Variants in DOCK11 observed in about 807,000 individuals in gnomAD.
DOCK11 encodes the protein dedicator of cytokinesis protein 11.
DOCK11 carries 70 observed loss-of-function variants against 169.1 expected under a neutral mutation model. The ratio of observed to expected loss-of-function variants is 0.41; its 90% confidence interval spans 0.34 to 0.51. The LOEUF (loss-of-function observed/expected upper bound fraction) is 0.51. DOCK11 is among the 20% of genes least tolerant of loss of function. The pLI is 0.10. For missense variants in DOCK11, 1,166 were observed against 1,538.8 expected (o/e 0.76, Z 4.05); for synonymous variants, 529 against 541.3 (o/e 0.98, Z 0.32).
chrX:118,647,972 A>T (rs868323152), intron 40 of DOCK11, among the ~76,000 whole-genome samples: 1 of 44,936 alleles, frequency 2.2e-5, no homozygotes, highest in Non-Finnish European at 3.8e-5. Context: ...ATATATAATT[A>T]TATATAATAT....
At position 118,624,624 on chromosome X, in the gene DOCK11, C is replaced by A; in HGVS notation, c.3557C>A (p.Thr1186Asn). 1 of 1,203,550 alleles carries A rather than the reference C, an allele frequency of 8.3e-7. No individual in the cohort carries two copies. The highest frequency in any genetic ancestry group is 1.1e-6 in the Non-Finnish European group (1 of 888,876). The change falls in exon 32 of 53, where the codon ACC (threonine) becomes AAC (asparagine). Residue 1186 changes from threonine (T) to asparagine (N), a missense_variant. Transcript: ENST00000276202. ...ENIQRLAGRD[T>N]LYSCAAMPNS... ...ATACAGCGATTAGCAGGTCGAGATA[C>A]CTTGTATTCTTGTGCAGCCATGCCT...
At chrX:118,619,480 C>CAA (rs1162244580) in intron 31 of DOCK11, among the ~76,000 whole-genome samples, 1,184 of 51,360 alleles carry the variant, frequency 0.023, 16 homozygotes, top group Non-Finnish European at 0.032. Context: ...AACTCTGTCT[C>CAA]AAAAAAAAAA....
At chrX:118,503,292 C>T (rs1259486601) in intron 1 of DOCK11, among the ~76,000 whole-genome samples, 2 of 110,863 alleles carry the variant, frequency 1.8e-5, no homozygotes, top group Non-Finnish European at 3.8e-5. Context: ...AACTCCTGAC[C>T]TCAGGTGATC....
chrX:118,560,821 T>G (rs367637748), intron 6 of DOCK11, among the ~76,000 whole-genome samples: 2 of 111,610 alleles, frequency 1.8e-5, no homozygotes, highest in African/African-American at 3.3e-5. Context: ...CCTGTTGATT[T>G]AAAGCTCAGC....
chrX:118,628,157 C>T lies in DOCK11; in HGVS notation c.3665-6C>T, dbSNP rs770721984. 17 of 1,127,869 alleles carry T rather than the reference C, an allele frequency of 1.5e-5. No homozygotes were observed. The Admixed American group carries it at 1.8e-4, about 12-fold the overall frequency. 92.9% of individuals were successfully genotyped at this position (1,127,869 alleles called of 1,213,427 possible). Reference sequence around the variant, plus strand: ...CAACAAGGGCTTGACTTTTTTTTTTCCCCAGCTTATGGGTCTTTTCAAAAT... The same window carrying T: ...CAACAAGGGCTTGACTTTTTTTTTTTCCCAGCTTATGGGTCTTTTCAAAAT... On this transcript the variant is annotated splice_region_variant and splice_polypyrimidine_tract_variant and intron_variant, in intron 33 of 52. Transcript: ENST00000276202.
chrX:118,566,667 A>C lies in DOCK11; in HGVS notation c.951+14A>C. ...GAACTGATGAAGGTACATCTTTCATATGGCAACTTGCCTTCAACTGAGATA... is the reference window on the plus strand; with the variant it reads ...GAACTGATGAAGGTACATCTTTCATCTGGCAACTTGCCTTCAACTGAGATA... On this transcript the variant is annotated intron_variant, in intron 9 of 52. Transcript: ENST00000276202. The C allele has an allele frequency of 8.4e-7, 1 of 1,189,464 alleles. No homozygotes were observed. The highest frequency in any genetic ancestry group is 1.1e-6 in the Non-Finnish European group (1 of 877,220).
At chrX:118,544,068 T>C (rs746132320) in intron 4 of DOCK11, among the ~76,000 whole-genome samples, 3 of 112,755 alleles carry the variant, frequency 2.7e-5, no homozygotes, top group African/African-American at 9.6e-5. Context: ...AGGTTTTAAC[T>C]TTCCTCTTTG....
intron 1 of DOCK11, among the ~76,000 whole-genome samples, chrX:118,513,663 G>A (rs920297209): frequency 2.7e-5 from 3 of 112,520 alleles, no homozygotes; most frequent in Non-Finnish European, 5.6e-5. Flanking sequence ...TGTAACCCCA[G>A]AGCCCAGTTT....
In DOCK11 at chrX:118,566,662, T is replaced by G; in HGVS notation, c.951+9T>G. On this transcript the variant is annotated intron_variant, in intron 9 of 52. Transcript: ENST00000276202. ...ATCCGGAACTGATGAAGGTACATCT[T>G]TCATATGGCAACTTGCCTTCAACTG... 8.4e-7 allele frequency: 1 copy of G among 1,196,423 alleles called. No homozygotes were observed. Among genetic ancestry groups the G allele is most frequent in the Non-Finnish European group, 1.1e-6 (1 of 883,577 alleles).
chrX:118,521,874 T>TA (rs1002344001), intron 1 of DOCK11, among the ~76,000 whole-genome samples: 48 of 111,452 alleles, frequency 4.3e-4, no homozygotes, highest in African/African-American at 1.5e-3. Context: ...TAGAATGTGG[T>TA]AAAAAAAACA....
In DOCK11 at chrX:118,557,895, T is replaced by C. The variant is rs143366950; in HGVS notation, c.559-3488T>C. Among the ~76,000 whole-genome samples the C allele has an allele frequency of 5.2e-3, 568 of 108,643 alleles. 15 individuals are homozygous for C. In the South Asian group the frequency reaches 0.06, roughly 11 times the overall value. The allele number at this position is 108,643 out of a possible 115,157, so 94.3% of individuals were successfully genotyped here. The stretch of plus-strand genomic sequence containing the variant: ...TACTGTAAAGTAAGATGGGAAGCCA[T>C]TGGAGGATTTGGGCAAGATTCTCTT... On this transcript the variant is annotated intron_variant, in intron 6 of 52. Transcript: ENST00000276202.
At chrX:118,589,646 G>A (rs987076549) in intron 18 of DOCK11, among the ~76,000 whole-genome samples, 1 of 111,976 alleles carries the variant, frequency 8.9e-6, no homozygotes, top group African/African-American at 3.2e-5. Context: ...ATAACAGAAA[G>A]CCACTGATAT....
chrX:118,521,367 A>G (rs2011263979), intron 1 of DOCK11, among the ~76,000 whole-genome samples: 1 of 112,640 alleles, frequency 8.9e-6, no homozygotes, highest in Admixed American at 9.4e-5. Context: ...CCCTTTGCAT[A>G]GGCTAAGTGT....
intron 1 of DOCK11, 149 bp downstream of exon 1, chrX:118,496,222 G>A (rs2057535612): frequency 5.8e-6 from 2 of 342,725 alleles, no homozygotes; most frequent in Non-Finnish European, 8.6e-6. Flanking sequence ...GCAGCCGCCG[G>A]CCGGGGTCCG....
chrX:118,582,757 G>A (rs1318185406), intron 14 of DOCK11, among the ~76,000 whole-genome samples: 6 of 111,294 alleles, frequency 5.4e-5, no homozygotes, highest in East Asian at 2.8e-4. Flanking sequence ...TTAGAATGGC[G>A]GTCATTAAAA....
At chrX:118,659,582 T>C (rs2016163665) in intron 44 of DOCK11, among the ~76,000 whole-genome samples, 1 of 111,885 alleles carries the variant, frequency 8.9e-6, no homozygotes, top group African/African-American at 3.2e-5. Flanking sequence ...TTGATAACTT[T>C]AGCAAAAAGG....
intron 10 of DOCK11, among the ~76,000 whole-genome samples, chrX:118,569,091 C>CTTTTTTTTTTTTTTTTTTTTTTT (rs1186200391): frequency 6.7e-5 from 3 of 45,005 alleles, no homozygotes; most frequent in Admixed American, 3.5e-4. Flanking sequence ...TCTTTCTTTC[C>CTTTTTTTTTTTTTTTTTTTTTTT]TTTTTTTTTT....
At chrX:118,676,536 ATGT>A in intron 47 of DOCK11, 52 bp from the exon 48 acceptor site, 1 of 716,879 alleles carries the variant, frequency 1.4e-6, no homozygotes, top group Non-Finnish European at 1.9e-6. Flanking sequence ...TTTTCTTTAA[ATGT>A]TGTGTTTGCT....
intron 14 of DOCK11, 104 bp downstream of exon 14, chrX:118,580,283 G>GT: frequency 1.7e-6 from 1 of 596,718 alleles, no homozygotes; most frequent in South Asian, 4.1e-5. Flanking sequence ...CAGGCCAGTT[G>GT]TATCTTGGGA....
Sources: allele counts gnomAD v4.1 joint callset (sites outside exome capture counted in the v4.1 genomes callset), GRCh38; gene constraint gnomAD v4.1.1; transcripts MANE v1.5; gene names NCBI Gene and HGNC (gene_info 2026-07-23, HGNC 2026-07-21).